PAX5: variants seen among roughly 807,000 people sequenced by gnomAD.
PAX5 encodes paired box 5.
PAX5 carries 9 observed loss-of-function variants against 43.7 expected under a neutral mutation model. That is an observed-to-expected ratio of 0.21 (90% CI 0.12 to 0.36). The LOEUF (loss-of-function observed/expected upper bound fraction) is 0.36, where lower values mean the gene tolerates loss of function less well. PAX5 is among the 10% of genes least tolerant of loss of function. PAX5 has a pLI of 1.00. For synonymous variants in PAX5, 228 were observed against 214.3 expected (o/e 1.06, Z -0.56); for missense variants, 383 against 532.7 (o/e 0.72, Z 2.77).
chr9:36,913,776 C>T (rs1829505463), intron 7 of PAX5, among the ~76,000 whole-genome samples: 1 of 152,166 alleles, frequency 6.6e-6, no homozygotes, highest in African/African-American at 2.4e-5. Context: ...GCCATCTGTT[C>T]CCCAGACCCC....
intron 7 of PAX5, among the ~76,000 whole-genome samples, chr9:36,887,731 G>A (rs371120271): frequency 1.3e-5 from 2 of 152,184 alleles, no homozygotes; most frequent in Non-Finnish European, 2.9e-5. Flanking sequence ...CCCTGGATTC[G>A]GCAATAGTTT....
At chr9:36,971,838 C>T (rs984243167) in intron 5 of PAX5, among the ~76,000 whole-genome samples, 1 of 152,182 alleles carries the variant, frequency 6.6e-6, no homozygotes, top group African/African-American at 2.4e-5. Flanking sequence ...TTTACACAAT[C>T]GGGTCTGGTC....
intron 6 of PAX5, among the ~76,000 whole-genome samples, chr9:36,955,805 C>CCA (rs1285966699): frequency 1.7e-5 from 2 of 118,650 alleles, no homozygotes; most frequent in East Asian, 2.0e-4. Flanking sequence ...ATATATATAC[C>CCA]CACACACACA....
chr9:36,938,870 T>C (rs2132047403), intron 6 of PAX5, among the ~76,000 whole-genome samples: 1 of 152,236 alleles, frequency 6.6e-6, no homozygotes, highest in Non-Finnish European at 1.5e-5. Context: ...ACAAGGCTGT[T>C]CTCCCTTCAA....
chr9:36,970,449 G>C (rs1834839629), intron 5 of PAX5, among the ~76,000 whole-genome samples: 1 of 152,178 alleles, frequency 6.6e-6, no homozygotes, highest in East Asian at 1.9e-4. Flanking sequence ...GAGGATCTGA[G>C]CCTTGCTGCA....
At chr9:36,867,015 C>A (rs1380166726) in intron 8 of PAX5, among the ~76,000 whole-genome samples, 5 of 144,922 alleles carry the variant, frequency 3.5e-5, no homozygotes, top group East Asian at 2.0e-4. Context: ...GCCGCTGCCC[C>A]CAGTGGCCAG....
chr9:37,003,801 T>C (rs1188058660), intron 4 of PAX5, among the ~76,000 whole-genome samples: 1 of 152,222 alleles, frequency 6.6e-6, no homozygotes, highest in Non-Finnish European at 1.5e-5. Context: ...TGTGCCACTG[T>C]ACTCCAGCCT....
intron 7 of PAX5, among the ~76,000 whole-genome samples, chr9:36,912,896 C>T (rs1013657986): frequency 6.6e-6 from 1 of 152,194 alleles, no homozygotes; most frequent in Non-Finnish European, 1.5e-5. Context: ...AATTACCACC[C>T]CTATTTCATA....
intron 6 of PAX5, among the ~76,000 whole-genome samples, chr9:36,950,515 A>T (rs1230844626): frequency 6.6e-6 from 1 of 152,140 alleles, no homozygotes; most frequent in Non-Finnish European, 1.5e-5. Context: ...CACTGCCCAC[A>T]CCAGACACTC....
intron 6 of PAX5, among the ~76,000 whole-genome samples, chr9:36,956,071 G>T (rs1280809130): frequency 1.3e-5 from 2 of 151,542 alleles, no homozygotes; most frequent in African/African-American, 2.4e-5. Context: ...TCTTTTTTTT[G>T]AATTGCAAAT....
intron 7 of PAX5, among the ~76,000 whole-genome samples, chr9:36,901,112 T>C (rs1401408828): frequency 3.3e-5 from 5 of 152,038 alleles, no homozygotes; most frequent in Non-Finnish European, 7.4e-5. Flanking sequence ...TCATCCTCCT[T>C]ACCTCCACCC....
At chr9:36,957,157 T>C (rs1237858578) in intron 6 of PAX5, among the ~76,000 whole-genome samples, 1 of 152,186 alleles carries the variant, frequency 6.6e-6, no homozygotes, top group Admixed American at 6.5e-5. Flanking sequence ...AGCCCTTCTC[T>C]GGATCTTCAA....
intron 7 of PAX5, among the ~76,000 whole-genome samples, chr9:36,892,585 A>C (rs1315064990): frequency 6.6e-6 from 1 of 152,118 alleles, no homozygotes; most frequent in African/African-American, 2.4e-5. Context: ...CCTCACACAC[A>C]CGATTGTTTC....
At chr9:36,931,800 G>A (rs982394529) in intron 6 of PAX5, among the ~76,000 whole-genome samples, 5 of 148,292 alleles carry the variant, frequency 3.4e-5, no homozygotes, top group African/African-American at 5.0e-5. Context: ...ACACTGAGCC[G>A]AGATCGAGCC....
intron 1 of PAX5, 135 bp from the exon 2 acceptor site, chr9:37,020,936 C>A: frequency 1.2e-6 from 1 of 818,714 alleles, no homozygotes; most frequent in South Asian, 1.8e-5. Flanking sequence ...GCCTGGAGTC[C>A]AATCGTGCAA....
At chr9:36,941,675 A>G (rs1329317980) in intron 6 of PAX5, among the ~76,000 whole-genome samples, 2 of 151,788 alleles carry the variant, frequency 1.3e-5, no homozygotes, top group Admixed American at 6.6e-5. Flanking sequence ...CTTGGCCTGT[A>G]CCCACCTCAA....
intron 6 of PAX5, among the ~76,000 whole-genome samples, chr9:36,943,822 G>A (rs1832266461): frequency 6.6e-6 from 1 of 152,022 alleles, no homozygotes; most frequent in South Asian, 2.1e-4. Context: ...CAGCTCACAA[G>A]GATGTAAAAA....
chr9:36,975,516 G>A (rs1835352593), intron 5 of PAX5, among the ~76,000 whole-genome samples: 1 of 151,914 alleles, frequency 6.6e-6, no homozygotes, highest in Non-Finnish European at 1.5e-5. Context: ...ATCCTCAGTA[G>A]CTGGGACTAC....
intron 6 of PAX5, among the ~76,000 whole-genome samples, chr9:36,957,937 C>T (rs761303746): frequency 1.3e-5 from 2 of 152,126 alleles, no homozygotes; most frequent in African/African-American, 2.4e-5. Context: ...AACTTTTCCA[C>T]CTAAGGAGGA....
Sources: allele counts gnomAD v4.1 joint callset (sites outside exome capture counted in the v4.1 genomes callset), GRCh38; gene constraint gnomAD v4.1.1; transcripts MANE v1.5; gene names NCBI Gene and HGNC (gene_info 2026-07-23, HGNC 2026-07-21).